The following PRKCE variants were observed in gnomAD, a reference collection of about 807,000 sequenced individuals.
PRKCE encodes the protein protein kinase C epsilon.
PRKCE carries 16 observed loss-of-function variants against 85.4 expected under a neutral mutation model. The observed-to-expected ratio is 0.19, with a 90% CI of 0.13 to 0.28. The LOEUF is 0.28. Ranked by LOEUF, PRKCE falls within the 10% of genes least tolerant of loss-of-function variation. The pLI, the probability that PRKCE is intolerant of heterozygous loss-of-function variation, is 1.00. For missense variants in PRKCE, 573 were observed against 975.2 expected (o/e 0.59, Z 5.49); for synonymous variants, 388 against 371.5 (o/e 1.04, Z -0.51).
At chr2:45,707,515 A>C (rs1679210426) in intron 1 of PRKCE, among the ~76,000 whole-genome samples, 1 of 152,210 alleles carries the variant, frequency 6.6e-6, no homozygotes, top group Admixed American at 6.5e-5. Flanking sequence ...AGGATTTGTC[A>C]CTTGGCCAAG....
chr2:46,062,267 G>T (rs1667216450), intron 10 of PRKCE, among the ~76,000 whole-genome samples: 1 of 152,186 alleles, frequency 6.6e-6, no homozygotes, highest in African/African-American at 2.4e-5. Context: ...CTACTCTTTT[G>T]TTGAGGATAG....
chr2:45,878,965 C>T (rs781541329), intron 2 of PRKCE, among the ~76,000 whole-genome samples: 38 of 152,140 alleles, frequency 2.5e-4, no homozygotes, highest in Non-Finnish European at 4.4e-4. Flanking sequence ...ATGATAGGGA[C>T]AGGACGCAGA....
chr2:45,832,126 A>T (rs1690475428), intron 1 of PRKCE, among the ~76,000 whole-genome samples: 1 of 152,208 alleles, frequency 6.6e-6, no homozygotes. Flanking sequence ...TATACAGAGT[A>T]TTATGATGCA....
intron 1 of PRKCE, among the ~76,000 whole-genome samples, chr2:45,809,270 G>T (rs1400450078): frequency 2.6e-5 from 4 of 152,168 alleles, no homozygotes; most frequent in African/African-American, 7.2e-5. Context: ...AGAAACTTGT[G>T]CTGATTTGTT....
At chr2:46,050,718 C>T (rs1708800969) in intron 10 of PRKCE, among the ~76,000 whole-genome samples, 1 of 152,232 alleles carries the variant, frequency 6.6e-6, no homozygotes, top group Non-Finnish European at 1.5e-5. Flanking sequence ...CTGCAAAGAG[C>T]ATGACTTGAT....
chr2:45,691,109 G>A (rs1209268844), intron 1 of PRKCE, among the ~76,000 whole-genome samples: 2 of 152,320 alleles, frequency 1.3e-5, no homozygotes, highest in East Asian at 1.9e-4. Context: ...TCAGGACTAA[G>A]GTTCTAAAAG....
chr2:45,723,063 T>C (rs1001280593), intron 1 of PRKCE, among the ~76,000 whole-genome samples: 1 of 152,184 alleles, frequency 6.6e-6, no homozygotes, highest in African/African-American at 2.4e-5. Flanking sequence ...ATCACACCAT[T>C]GCACTCCAGC....
At chr2:45,906,777 C>T (rs189084061) in intron 2 of PRKCE, among the ~76,000 whole-genome samples, 9 of 152,316 alleles carry the variant, frequency 5.9e-5, no homozygotes, top group Non-Finnish European at 1.2e-4. Flanking sequence ...ATCAATGTGC[C>T]GGCAGCTTCT....
At chr2:46,111,533 A>G (rs1470418043) in intron 11 of PRKCE, among the ~76,000 whole-genome samples, 1 of 152,098 alleles carries the variant, frequency 6.6e-6, no homozygotes, top group Non-Finnish European at 1.5e-5. Flanking sequence ...GCATTCACTT[A>G]CCTAGTTTCC....
chr2:45,670,279 G>A (rs903894292), intron 1 of PRKCE, among the ~76,000 whole-genome samples: 1 of 152,090 alleles, frequency 6.6e-6, no homozygotes, highest in Non-Finnish European at 1.5e-5. Context: ...TTTTGTATAG[G>A]CTCCATTTTT....
chr2:45,935,154 A>G (rs1015623840), intron 2 of PRKCE, among the ~76,000 whole-genome samples: 1 of 152,200 alleles, frequency 6.6e-6, no homozygotes, highest in Non-Finnish European at 1.5e-5. Context: ...GAGGGGGACC[A>G]TACCTTAAAG....
intron 10 of PRKCE, among the ~76,000 whole-genome samples, chr2:46,075,250 C>T (rs1452966332): frequency 1.3e-5 from 2 of 151,930 alleles, no homozygotes; most frequent in Non-Finnish European, 2.9e-5. Flanking sequence ...ACCGTATTAG[C>T]CAGGATGGTC....
chr2:45,794,845 A>C (rs866642103), intron 1 of PRKCE, among the ~76,000 whole-genome samples: 305 of 122,474 alleles, frequency 2.5e-3, no homozygotes, highest in Middle Eastern at 4.5e-3. Context: ...TTATTGCCCT[A>C]CCCCCCCCCC....
intron 1 of PRKCE, among the ~76,000 whole-genome samples, chr2:45,828,830 C>A: frequency 6.6e-6 from 1 of 152,046 alleles, no homozygotes; most frequent in East Asian, 1.9e-4. Flanking sequence ...AGTTGAGAAA[C>A]TATAGATACT....
intron 1 of PRKCE, among the ~76,000 whole-genome samples, chr2:45,724,806 A>G (rs1030468287): frequency 6.6e-6 from 1 of 152,206 alleles, no homozygotes; most frequent in Non-Finnish European, 1.5e-5. Context: ...TTGACAGGTA[A>G]GGAAGCTGCA....
chr2:46,032,733 G>A (rs1439686135), intron 10 of PRKCE, among the ~76,000 whole-genome samples: 1 of 152,184 alleles, frequency 6.6e-6, no homozygotes, highest in African/African-American at 2.4e-5. Context: ...TGAGAGAAAG[G>A]GATGAAGCAT....
chr2:45,662,546 C>A (rs373331381), intron 1 of PRKCE, among the ~76,000 whole-genome samples: 55 of 152,074 alleles, frequency 3.6e-4, no homozygotes, highest in African/African-American at 1.2e-3. Flanking sequence ...TCTGTAAAGG[C>A]ACCTGTTAAC....
chr2:46,128,983 C>G (rs1053876326), intron 11 of PRKCE, among the ~76,000 whole-genome samples: 2 of 152,166 alleles, frequency 1.3e-5, no homozygotes, highest in African/African-American at 4.8e-5. Flanking sequence ...AGGACCTCCT[C>G]CACCACCTAG....
At chr2:45,870,542 T>C (rs978176535) in intron 2 of PRKCE, among the ~76,000 whole-genome samples, 1 of 152,240 alleles carries the variant, frequency 6.6e-6, no homozygotes, top group Non-Finnish European at 1.5e-5. Context: ...TTATCTCTAT[T>C]TCTCTTGCTC....
Sources: gnomAD v4.1 joint callset for allele counts (sites outside exome capture counted in the v4.1 genomes callset) on GRCh38, gnomAD v4.1.1 for gene constraint, MANE v1.5 for transcripts, NCBI Gene and HGNC (gene_info 2026-07-23, HGNC 2026-07-21) for gene names.